Variants in HHIPL1 observed in about 807,000 individuals in gnomAD.
The protein encoded by HHIPL1 is HHIP like 1.
A neutral mutation model predicts 61.8 loss-of-function variants in HHIPL1; 43 were observed. That is an observed-to-expected ratio of 0.70 (90% CI 0.55 to 0.90). The LOEUF (loss-of-function observed/expected upper bound fraction) is 0.90. Among genes scored for constraint, HHIPL1 ranks in the 40% least tolerant of loss-of-function variants. The pLI, the probability that HHIPL1 is intolerant of heterozygous loss-of-function variation, is 0.00. For missense variants in HHIPL1, 1,056 were observed against 1,157.7 expected (o/e 0.91, Z 1.28); for synonymous variants, 482 against 515.8 (o/e 0.93, Z 0.89).
chr14:99,640,488 C>T (rs2055736433), upstream of HHIPL1, among the ~76,000 whole-genome samples: 1 of 151,920 alleles, frequency 6.6e-6, no homozygotes, highest in Admixed American at 6.6e-5. Flanking sequence ...CTTTGCCATG[C>T]TGCCCAAGCT....
At chr14:99,637,148 C>CAGAA in the HHIPL1 span, among the ~76,000 whole-genome samples, 23,019 of 86,604 alleles carry the variant, frequency 0.27, 4,036 homozygotes, top group East Asian at 0.4. Flanking sequence ...GAAAGGGAGG[C>CAGAA]AGAAAGAAAG....
At chr14:99,670,412 T>G (rs1030430710) in intron 7 of HHIPL1, among the ~76,000 whole-genome samples, 5 of 152,186 alleles carry the variant, frequency 3.3e-5, no homozygotes. Context: ...ACGCCCAGAC[T>G]CCACACTCTT....
At chr14:99,638,558 G>A in the HHIPL1 span, among the ~76,000 whole-genome samples, 1 of 152,258 alleles carries the variant, frequency 6.6e-6, no homozygotes, top group East Asian at 1.9e-4. Context: ...CGTGGGCAAT[G>A]CTCCTGGACC....
chr14:99,605,677 T>C, the HHIPL1 span, among the ~76,000 whole-genome samples: 11 of 152,342 alleles, frequency 7.2e-5, no homozygotes, highest in South Asian at 2.3e-3. Flanking sequence ...TTAAGTGCTG[T>C]GCGGGGCATT....
chr14:99,620,877 G>A, the HHIPL1 span, among the ~76,000 whole-genome samples: 6 of 152,284 alleles, frequency 3.9e-5, no homozygotes, highest in East Asian at 7.7e-4. Flanking sequence ...CCTGGAGGCC[G>A]GCCCCGCCAC....
the HHIPL1 span, among the ~76,000 whole-genome samples, chr14:99,621,950 C>T: frequency 2.0e-5 from 3 of 151,710 alleles, no homozygotes; most frequent in African/African-American, 4.8e-5. Context: ...CTCCTGACCT[C>T]GTGATCCGCC....
chr14:99,613,138 C>T, the HHIPL1 span, among the ~76,000 whole-genome samples: 1,222 of 152,072 alleles, frequency 8.0e-3, 24 homozygotes, highest in African/African-American at 0.028. Context: ...CTGCCCTGGG[C>T]GAGGCTGGCC....
intron 7 of HHIPL1, among the ~76,000 whole-genome samples, chr14:99,670,363 C>T (rs952047054): frequency 4.6e-5 from 7 of 152,170 alleles, no homozygotes; most frequent in African/African-American, 9.7e-5. Flanking sequence ...CGGCCCACCT[C>T]GGCCTCCCAA....
chr14:99,643,286 C>T (rs902152700), upstream of HHIPL1, among the ~76,000 whole-genome samples: 2 of 152,122 alleles, frequency 1.3e-5, no homozygotes, highest in Non-Finnish European at 2.9e-5. Flanking sequence ...GTGATCCGCC[C>T]GCCTCAGCCT....
chr14:99,643,071 C>G (rs894910515), upstream of HHIPL1, among the ~76,000 whole-genome samples: 2 of 151,866 alleles, frequency 1.3e-5, no homozygotes, highest in Admixed American at 1.3e-4. Flanking sequence ...GACAGAGTCT[C>G]GCTCTGTCAC....
At chr14:99,644,918 GC>G (rs1312314411), upstream of HHIPL1, among the ~76,000 whole-genome samples, 1 of 152,182 alleles carries the variant, frequency 6.6e-6, no homozygotes, top group African/African-American at 2.4e-5. Context: ...AGGAAGCAGG[GC>G]CCCAGGCGGA....
chr14:99,644,767 C>G (rs1352624066), upstream of HHIPL1, among the ~76,000 whole-genome samples: 1 of 152,168 alleles, frequency 6.6e-6, no homozygotes, highest in Non-Finnish European at 1.5e-5. Flanking sequence ...CCTCGCACCC[C>G]CATTTTTAAA....
chr14:99,618,373 C>T, the HHIPL1 span, among the ~76,000 whole-genome samples: 1 of 152,214 alleles, frequency 6.6e-6, no homozygotes, highest in Admixed American at 6.5e-5. Flanking sequence ...CTGGTCCGAT[C>T]CTAGAGAACA....
At chr14:99,648,283 A>G (rs1444879713) in intron 1 of HHIPL1, among the ~76,000 whole-genome samples, 1 of 152,188 alleles carries the variant, frequency 6.6e-6, no homozygotes, top group Non-Finnish European at 1.5e-5. Flanking sequence ...AAACACATAC[A>G]TCTTCTCCAT....
the HHIPL1 span, among the ~76,000 whole-genome samples, chr14:99,605,076 C>T: frequency 6.6e-6 from 1 of 152,206 alleles, no homozygotes; most frequent in African/African-American, 2.4e-5. Flanking sequence ...GCGAGAGCTC[C>T]GGGAACCTGC....
chr14:99,622,059 G>A, the HHIPL1 span, among the ~76,000 whole-genome samples: 1 of 151,768 alleles, frequency 6.6e-6, no homozygotes, highest in Non-Finnish European at 1.5e-5. Context: ...GGGGAAAAAG[G>A]ACCTTGCCAT....
chr14:99,623,856 C>A, the HHIPL1 span, among the ~76,000 whole-genome samples: 527 of 152,340 alleles, frequency 3.5e-3, 3 homozygotes, highest in African/African-American at 0.012. Context: ...GCCGGCCCAA[C>A]AAGCTGCCGA....
upstream of HHIPL1, among the ~76,000 whole-genome samples, chr14:99,642,564 C>G (rs566064839): frequency 7.8e-4 from 118 of 151,372 alleles, no homozygotes; most frequent in Non-Finnish European, 8.1e-4. Context: ...CTCGCTCTGT[C>G]ACCCAGGCTG....
the HHIPL1 span, among the ~76,000 whole-genome samples, chr14:99,639,697 C>T: frequency 6.6e-5 from 10 of 151,464 alleles, no homozygotes; most frequent in East Asian, 2.0e-4. Context: ...AGTCTTGCTG[C>T]GTTGCCCAGG....
Sources: gnomAD v4.1 joint callset for allele counts (sites outside exome capture counted in the v4.1 genomes callset) on GRCh38, gnomAD v4.1.1 for gene constraint, MANE v1.5 for transcripts, NCBI Gene and HGNC (gene_info 2026-07-23, HGNC 2026-07-21) for gene names.